The following GPC5 variants were observed in gnomAD, a reference collection of about 807,000 sequenced individuals.
The protein encoded by GPC5 is glypican-5.
GPC5 carries 47 observed loss-of-function variants against 53.9 expected under a neutral mutation model. The observed-to-expected ratio is 0.87, with a 90% confidence interval of 0.69 to 1.11. The LOEUF (loss-of-function observed/expected upper bound fraction) is 1.11. Ranked by LOEUF, GPC5 falls within the 50% of genes most tolerant of loss-of-function variation. The pLI, the probability that GPC5 is intolerant of heterozygous loss-of-function variation, is 0.00. For synonymous variants in GPC5, 286 were observed against 263.3 expected (o/e 1.09, Z -0.84); for missense variants, 748 against 713.1 (o/e 1.05, Z -0.56).
At chr13:92,216,596 T>C (rs2042411824) in intron 7 of GPC5, among the ~76,000 whole-genome samples, 1 of 152,144 alleles carries the variant, frequency 6.6e-6, no homozygotes, top group African/African-American at 2.4e-5. Flanking sequence ...TAATGATAGC[T>C]AATATTTATA....
At chr13:91,839,530 A>G (rs2038760652) in intron 5 of GPC5, among the ~76,000 whole-genome samples, 1 of 152,032 alleles carries the variant, frequency 6.6e-6, no homozygotes, top group Non-Finnish European at 1.5e-5. Flanking sequence ...TATATTTTAA[A>G]AATGTAATAT....
intron 7 of GPC5, among the ~76,000 whole-genome samples, chr13:92,160,619 TTGA>T (rs2041980661): frequency 1.3e-5 from 2 of 152,128 alleles, no homozygotes; most frequent in Non-Finnish European, 1.5e-5. Flanking sequence ...AAATTTGGCA[TTGA>T]GTCTGGTTCA....
intron 7 of GPC5, among the ~76,000 whole-genome samples, chr13:92,467,307 G>T (rs570182613): frequency 6.6e-6 from 1 of 152,252 alleles, no homozygotes; most frequent in Admixed American, 6.6e-5. Context: ...TCCGTCTTAA[G>T]AAAGTAAGTA....
intron 6 of GPC5, among the ~76,000 whole-genome samples, chr13:92,001,743 T>G (rs1480376844): frequency 1.3e-5 from 2 of 152,200 alleles, no homozygotes; most frequent in Non-Finnish European, 2.9e-5. Context: ...AATATTTTGA[T>G]GAAGGTATAC....
At chr13:92,405,620 A>G (rs1027427576) in intron 7 of GPC5, among the ~76,000 whole-genome samples, 1 of 152,218 alleles carries the variant, frequency 6.6e-6, no homozygotes, top group African/African-American at 2.4e-5. Flanking sequence ...TTTCAAGGCT[A>G]TCTTGTCCTT....
chr13:91,835,670 T>A (rs2038715461), intron 5 of GPC5, among the ~76,000 whole-genome samples: 1 of 146,566 alleles, frequency 6.8e-6, no homozygotes, highest in Non-Finnish European at 1.5e-5. Context: ...CACTCATAAG[T>A]GGGAGTTGAA....
intron 5 of GPC5, among the ~76,000 whole-genome samples, chr13:91,778,786 A>G (rs1319144648): frequency 2.0e-5 from 3 of 152,212 alleles, no homozygotes; most frequent in Non-Finnish European, 4.4e-5. Flanking sequence ...AGATAATTCT[A>G]AGAAATGCAT....
At chr13:91,590,547 T>C (rs1303855195) in intron 2 of GPC5, among the ~76,000 whole-genome samples, 2 of 152,162 alleles carry the variant, frequency 1.3e-5, no homozygotes, top group African/African-American at 4.8e-5. Context: ...AAATAAATTA[T>C]CTTACCCTTG....
At chr13:92,022,166 A>T (rs577034535) in intron 6 of GPC5, among the ~76,000 whole-genome samples, 128 of 151,928 alleles carry the variant, frequency 8.4e-4, no homozygotes, top group African/African-American at 3.0e-3. Flanking sequence ...CACCCAGCTA[A>T]TTTTTGTATT....
At chr13:92,093,208 C>A (rs767673380) in intron 6 of GPC5, among the ~76,000 whole-genome samples, 17 of 152,062 alleles carry the variant, frequency 1.1e-4, no homozygotes, top group Non-Finnish European at 2.2e-4. Flanking sequence ...ATATTAAAGG[C>A]CTTTTTCTTT....
intron 7 of GPC5, among the ~76,000 whole-genome samples, chr13:92,430,533 G>T (rs1046713895): frequency 6.6e-6 from 1 of 152,128 alleles, no homozygotes; most frequent in Non-Finnish European, 1.5e-5. Context: ...ATCTGAGCCA[G>T]GGTGGGAGTG....
chr13:91,472,548 A>G (rs1036178744), intron 2 of GPC5, among the ~76,000 whole-genome samples: 3 of 152,250 alleles, frequency 2.0e-5, no homozygotes, highest in Admixed American at 2.0e-4. Flanking sequence ...GAATATTTCC[A>G]TGAACTAAAC....
chr13:92,268,203 T>G (rs1363975137), intron 7 of GPC5, among the ~76,000 whole-genome samples: 2 of 152,066 alleles, frequency 1.3e-5, no homozygotes, highest in Non-Finnish European at 1.5e-5. Context: ...GTATTTTAAT[T>G]ACTCGATTTC....
intron 2 of GPC5, among the ~76,000 whole-genome samples, chr13:91,500,217 G>T (rs1884541695): frequency 6.6e-6 from 1 of 152,156 alleles, no homozygotes; most frequent in Non-Finnish European, 1.5e-5. Flanking sequence ...TGAGGATAGG[G>T]ACTTTTCTTC....
chr13:92,445,005 G>C (rs1469902787), intron 7 of GPC5, among the ~76,000 whole-genome samples: 1 of 152,070 alleles, frequency 6.6e-6, no homozygotes, highest in Non-Finnish European at 1.5e-5. Flanking sequence ...AAGAATGCCT[G>C]AAAGATTTAT....
chr13:92,539,887 G>C (rs1418448954), intron 7 of GPC5, among the ~76,000 whole-genome samples: 1 of 151,766 alleles, frequency 6.6e-6, no homozygotes, highest in Non-Finnish European at 1.5e-5. Flanking sequence ...TTAATTCATT[G>C]GCTTAAATCC....
At chr13:91,646,159 T>C (rs979944319) in intron 2 of GPC5, among the ~76,000 whole-genome samples, 1 of 152,294 alleles carries the variant, frequency 6.6e-6, no homozygotes, top group Middle Eastern at 3.4e-3. Flanking sequence ...AGAAACCTTA[T>C]ATTAGGAAAA....
At chr13:91,620,313 A>C (rs1198822257) in intron 2 of GPC5, among the ~76,000 whole-genome samples, 1 of 152,182 alleles carries the variant, frequency 6.6e-6, no homozygotes, top group Non-Finnish European at 1.5e-5. Flanking sequence ...GATAGGCTTT[A>C]ACATAAGTAG....
chr13:91,438,107 G>A (rs1256416647), intron 1 of GPC5, among the ~76,000 whole-genome samples: 5 of 151,928 alleles, frequency 3.3e-5, no homozygotes, highest in Non-Finnish European at 7.4e-5. Context: ...CCATGGGTTC[G>A]AACTTCCTCC....
Sources: allele counts gnomAD v4.1 joint callset (sites outside exome capture counted in the v4.1 genomes callset), GRCh38; gene constraint gnomAD v4.1.1; transcripts MANE v1.5; gene names NCBI Gene and HGNC (gene_info 2026-07-23, HGNC 2026-07-21).